Variants in PHLPP1 observed in about 807,000 individuals in gnomAD.
PHLPP1 encodes PH domain and leucine rich repeat protein phosphatase 1.
In PHLPP1, 42 loss-of-function variants were observed where a neutral mutation model predicts 117.2. The ratio of observed to expected loss-of-function variants is 0.36; its 90% CI spans 0.28 to 0.46. The LOEUF is 0.46. Ranked by LOEUF, PHLPP1 falls within the 20% of genes least tolerant of loss-of-function variation. The pLI is 1.00. For missense variants in PHLPP1, 2,084 were observed against 2,241.9 expected, an observed-to-expected ratio of 0.93 and a Z score of 1.42; for synonymous variants, 1,042 against 970.7, an observed-to-expected ratio of 1.07 and a Z score of -1.37.
chr18:62,927,535 A>C (rs1348799831), intron 10 of PHLPP1, among the ~76,000 whole-genome samples: 1 of 152,180 alleles, frequency 6.6e-6, no homozygotes, highest in Non-Finnish European at 1.5e-5. Flanking sequence ...GGCTGGAAAG[A>C]AGTGATTGAA....
chr18:62,864,210 T>A (rs1793904426), intron 4 of PHLPP1, among the ~76,000 whole-genome samples: 1 of 151,834 alleles, frequency 6.6e-6, no homozygotes, highest in Admixed American at 6.6e-5. Context: ...TTAGTAGAGG[T>A]GGGGTTTCAC....
intron 8 of PHLPP1, among the ~76,000 whole-genome samples, chr18:62,912,636 T>C (rs1389538243): frequency 6.6e-6 from 1 of 152,224 alleles, no homozygotes; most frequent in Non-Finnish European, 1.5e-5. Flanking sequence ...TTTTGTTTTT[T>C]TGAGATGGAG....
chr18:62,918,301 T>C (rs1909360602), intron 9 of PHLPP1, among the ~76,000 whole-genome samples: 1 of 151,372 alleles, frequency 6.6e-6, no homozygotes. Context: ...GTTTAGACAG[T>C]ACCCAAAAGA....
chr18:62,774,153 GTCTGTTGTCCAAAA>G (rs1178280761), intron 1 of PHLPP1, among the ~76,000 whole-genome samples: 4 of 152,218 alleles, frequency 2.6e-5, no homozygotes, highest in Admixed American at 6.5e-5. Context: ...TCCTTCATTG[GTCTGTTGTCCAAAA>G]TCTGGTTAGC....
chr18:62,837,469 C>CT (rs1266112788), intron 2 of PHLPP1, among the ~76,000 whole-genome samples: 1 of 152,110 alleles, frequency 6.6e-6, no homozygotes, highest in Non-Finnish European at 1.5e-5. Context: ...TCTCTGCTCT[C>CT]TTTTTCTTGC....
At chr18:62,791,950 C>CT (rs375117878) in intron 1 of PHLPP1, among the ~76,000 whole-genome samples, 2,458 of 145,910 alleles carry the variant, frequency 0.017, 50 homozygotes, top group African/African-American at 0.052. Flanking sequence ...AATGAGTACA[C>CT]TTTTTTTTTT....
At chr18:62,821,296 G>C (rs1382618144) in intron 1 of PHLPP1, among the ~76,000 whole-genome samples, 1 of 151,778 alleles carries the variant, frequency 6.6e-6, no homozygotes, top group African/African-American at 2.4e-5. Context: ...AGTAAAAGAA[G>C]CAATAAGCAA....
At chr18:62,844,534 T>A (rs1915132678) in intron 3 of PHLPP1, among the ~76,000 whole-genome samples, 1 of 152,166 alleles carries the variant, frequency 6.6e-6, no homozygotes, top group Admixed American at 6.5e-5. Flanking sequence ...ACTGTTACCA[T>A]CTCCTGGCCA....
At position 62,972,660 on chromosome 18, in the gene PHLPP1, CA is replaced by C; in HGVS notation, c.3713del (p.Asn1238ThrfsTer46). 6.2e-7 allele frequency: 1 copy of C among 1,612,626 alleles called. No homozygotes were observed. Among genetic ancestry groups the C allele is most frequent in the Non-Finnish European group, 8.5e-7 (1 of 1,179,430 alleles). On this transcript the variant is annotated frameshift_variant, in exon 15 of 17. Transcript: ENST00000262719. LOFTEE classifies it high-confidence loss of function. Reference protein sequence around the residue: ...SDILAEELQKTKNEEEYMVNT... With the variant: ...SDILAEELQKXKNEEEYMVNT... The stretch of plus-strand genomic sequence containing the variant: ...ATTTTGGCTGAAGAGCTGCAAAAAA[CA>C]AAAAACGAAGAAGAATACATGGTCA...
chr18:62,932,260 T>C (rs1909838291), intron 10 of PHLPP1, among the ~76,000 whole-genome samples: 1 of 152,190 alleles, frequency 6.6e-6, no homozygotes, highest in Admixed American at 6.5e-5. Flanking sequence ...GATTCCTCCC[T>C]AACTCATTCT....
intron 4 of PHLPP1, among the ~76,000 whole-genome samples, chr18:62,880,861 T>C (rs1916158269): frequency 6.6e-6 from 1 of 152,186 alleles, no homozygotes; most frequent in South Asian, 2.1e-4. Flanking sequence ...ATTACCATCT[T>C]ATGATCTAGA....
intron 1 of PHLPP1, among the ~76,000 whole-genome samples, chr18:62,754,602 T>C (rs1357857287): frequency 6.6e-6 from 1 of 152,194 alleles, no homozygotes; most frequent in African/African-American, 2.4e-5. Context: ...GTACTTTGGA[T>C]CCACAGTATC....
At chr18:62,717,616 A>C (rs1444483940) in intron 1 of PHLPP1, among the ~76,000 whole-genome samples, 2 of 152,060 alleles carry the variant, frequency 1.3e-5, no homozygotes, top group Non-Finnish European at 2.9e-5. Flanking sequence ...TTTCAGGTAA[A>C]CTGTCACGTG....
At chr18:62,793,039 G>T (rs1913509951) in intron 1 of PHLPP1, among the ~76,000 whole-genome samples, 1 of 152,048 alleles carries the variant, frequency 6.6e-6, no homozygotes, top group African/African-American at 2.4e-5. Context: ...GCTGGGCATG[G>T]TGGTGCATGC....
intron 1 of PHLPP1, among the ~76,000 whole-genome samples, chr18:62,823,720 T>G (rs944589031): frequency 6.6e-6 from 1 of 151,968 alleles, no homozygotes; most frequent in Non-Finnish European, 1.5e-5. Flanking sequence ...ATTTGAATAG[T>G]TACTTTGGCA....
At chr18:62,913,025 A>G (rs763258888) in intron 8 of PHLPP1, among the ~76,000 whole-genome samples, 5 of 151,682 alleles carry the variant, frequency 3.3e-5, no homozygotes, top group Non-Finnish European at 7.4e-5. Flanking sequence ...TGAATTGGAA[A>G]CTCTTGTGTC....
At chr18:62,878,294 A>T (rs1272893983) in intron 4 of PHLPP1, among the ~76,000 whole-genome samples, 1 of 152,182 alleles carries the variant, frequency 6.6e-6, no homozygotes, top group East Asian at 1.9e-4. Flanking sequence ...AACATAATTA[A>T]CATCTTTGCT....
chr18:62,970,345 A>G (rs1911017299), intron 14 of PHLPP1, among the ~76,000 whole-genome samples: 1 of 152,208 alleles, frequency 6.6e-6, no homozygotes, highest in African/African-American at 2.4e-5. Context: ...TTTCTAAAGC[A>G]GTGTTTCTCA....
At chr18:62,827,675 G>C (rs976291580) in intron 1 of PHLPP1, among the ~76,000 whole-genome samples, 1 of 152,208 alleles carries the variant, frequency 6.6e-6, no homozygotes, top group Non-Finnish European at 1.5e-5. Flanking sequence ...GGTTTTCCAA[G>C]GACAGGCTGA....
Sources: allele counts gnomAD v4.1 joint callset (sites outside exome capture counted in the v4.1 genomes callset), GRCh38; gene constraint gnomAD v4.1.1; transcripts MANE v1.5; gene names NCBI Gene and HGNC (gene_info 2026-07-23, HGNC 2026-07-21).